Variants in RPS6KA3 observed in about 807,000 individuals in gnomAD.
RPS6KA3 encodes ribosomal protein S6 kinase alpha-3.
In RPS6KA3, 4 loss-of-function variants were observed where a neutral mutation model predicts 67.2. That is an observed-to-expected ratio of 0.06 (90% CI 0.03 to 0.14). RPS6KA3 has a LOEUF of 0.14. Among genes scored for constraint, RPS6KA3 ranks in the 10% least tolerant of loss-of-function variants. The pLI is 1.00. For synonymous variants in RPS6KA3, 182 were observed against 183.7 expected (o/e 0.99, Z 0.07); for missense variants, 204 against 559.0 (o/e 0.36, Z 6.40).
chrX:20,163,644 C>T (rs2067359772), intron 18 of RPS6KA3, among the ~76,000 whole-genome samples: 1 of 110,826 alleles, frequency 9.0e-6, no homozygotes, highest in East Asian at 2.8e-4. Flanking sequence ...TGAGACCAAC[C>T]TGGGCAACAC....
chrX:20,222,422 C>A (rs1257232505), intron 2 of RPS6KA3, among the ~76,000 whole-genome samples: 3 of 111,723 alleles, frequency 2.7e-5, no homozygotes, highest in Non-Finnish European at 5.7e-5. Flanking sequence ...ACCTATGAGT[C>A]CTTTCTGGTC....
intron 2 of RPS6KA3, among the ~76,000 whole-genome samples, chrX:20,234,468 T>C (rs761317830): frequency 1.1e-3 from 120 of 111,321 alleles, no homozygotes; most frequent in African/African-American, 3.7e-3. Context: ...AGAACAAAAC[T>C]CCATCTCAAA....
Position 20,229,271 on chromosome X carries a change from A to G in RPS6KA3, c.126+5487T>C, listed in dbSNP as rs367605235. 1.4e-4 allele frequency among the ~76,000 whole-genome samples: 16 copies of G among 111,873 alleles called. 1 individual carries two copies. The highest frequency in any genetic ancestry group is 1.0e-3 in the Admixed American group (11 of 10,548). The stretch of plus-strand genomic sequence containing the variant: ...CTAGTCGAAAGTGGCTTATCATTAC[A>G]TTCTGCATTGTAGCCCATGGAAAAG... On this transcript the variant is annotated intron_variant, in intron 2 of 21. Coordinates refer to ENST00000379565, the MANE Select transcript of RPS6KA3 (RefSeq NM_004586.3).
At chrX:20,202,066 G>A (rs1196738802) in intron 4 of RPS6KA3, among the ~76,000 whole-genome samples, 4 of 98,013 alleles carry the variant, frequency 4.1e-5, no homozygotes, top group African/African-American at 1.1e-4. Flanking sequence ...TGCAACCTCC[G>A]CCCCCCGTGT....
At chrX:20,200,537 T>C (rs1163672545) in intron 4 of RPS6KA3, among the ~76,000 whole-genome samples, 1 of 112,360 alleles carries the variant, frequency 8.9e-6, no homozygotes, top group Non-Finnish European at 1.9e-5. Flanking sequence ...ATCTCTTTTA[T>C]AGCTAATATC....
intron 1 of RPS6KA3, among the ~76,000 whole-genome samples, chrX:20,264,306 A>C (rs1018064399): frequency 8.0e-5 from 9 of 112,424 alleles, no homozygotes; most frequent in Non-Finnish European, 1.7e-4. Flanking sequence ...ACATGATAGT[A>C]ACTGAAATAA....
At chrX:20,243,660 AT>A (rs1430987267) in intron 1 of RPS6KA3, among the ~76,000 whole-genome samples, 192 of 98,726 alleles carry the variant, frequency 1.9e-3, no homozygotes, top group South Asian at 2.7e-3. Context: ...TAATTTTTGT[AT>A]TTTTTTTTTT....
chrX:20,211,910 C>A (rs1247591753), intron 2 of RPS6KA3, among the ~76,000 whole-genome samples: 1 of 111,797 alleles, frequency 8.9e-6, no homozygotes, highest in African/African-American at 3.3e-5. Flanking sequence ...TTACATTTTT[C>A]TTTTTTAGGT....
At chrX:20,223,644 C>G (rs1030132430) in intron 2 of RPS6KA3, among the ~76,000 whole-genome samples, 3 of 111,799 alleles carry the variant, frequency 2.7e-5, no homozygotes, top group African/African-American at 9.7e-5. Context: ...GTGCTCATCA[C>G]CTAAGTTTAA....
intron 2 of RPS6KA3, among the ~76,000 whole-genome samples, chrX:20,216,224 G>A: frequency 9.1e-6 from 1 of 110,133 alleles, no homozygotes; most frequent in Non-Finnish European, 1.9e-5. Context: ...TCTGACTGTG[G>A]GCAAAATTTT....
At chrX:20,230,236 G>A (rs2069225630) in intron 2 of RPS6KA3, among the ~76,000 whole-genome samples, 1 of 112,221 alleles carries the variant, frequency 8.9e-6, no homozygotes, top group Admixed American at 9.4e-5. Context: ...GAATAAGTCA[G>A]ACTTGGTCAC....
intron 2 of RPS6KA3, among the ~76,000 whole-genome samples, chrX:20,221,729 T>C (rs1392146478): frequency 8.9e-6 from 1 of 112,551 alleles, no homozygotes; most frequent in East Asian, 2.8e-4. Flanking sequence ...TAAGAACTGT[T>C]GAAAATTCTA....
chrX:20,165,139 G>T, intron 17 of RPS6KA3, 79 bp from the exon 18 acceptor site: 1 of 762,886 alleles, frequency 1.3e-6, no homozygotes, highest in Non-Finnish European at 2.0e-6. Flanking sequence ...AAACTGTCAA[G>T]CAATGCACTT....
At chrX:20,238,537 G>A (rs1010464359) in intron 1 of RPS6KA3, among the ~76,000 whole-genome samples, 24 of 110,390 alleles carry the variant, frequency 2.2e-4, no homozygotes, top group Non-Finnish European at 4.4e-4. Flanking sequence ...TCAGCTTCAC[G>A]TCATCTCAAA....
chrX:20,242,953 T>C lies in RPS6KA3; in HGVS notation c.70-8139A>G, dbSNP rs367825721. On this transcript the variant is annotated intron_variant, in intron 1 of 21. Transcript: ENST00000379565. ...TCTCCAGTCTGGTATGTGTTTGAAA[T>C]GTTTGATAATCATAACTTTAATAAT... Among the ~76,000 whole-genome samples the C allele has an allele frequency of 3.6e-5, 4 of 111,325 alleles. No individual in the cohort carries two copies. In the East Asian group the frequency reaches 1.1e-3, roughly 31 times the overall value.
At chrX:20,260,248 G>A (rs1487705201) in intron 1 of RPS6KA3, among the ~76,000 whole-genome samples, 2 of 111,579 alleles carry the variant, frequency 1.8e-5, no homozygotes, top group African/African-American at 6.5e-5. Context: ...TTATCTTCAA[G>A]AGGTAGACAT....
rs750927757 is a variant in RPS6KA3 at position 20,153,219 on chromosome X, A to C, written c.*2179T>G. The C allele has an allele frequency of 8.9e-6, 1 of 112,228 alleles. No homozygotes were observed. Among genetic ancestry groups the C allele is most frequent in the South Asian group, 3.7e-4 (1 of 2,695 alleles). The allele number at this position is 112,228 out of a possible 1,213,427, so 9.2% of individuals were successfully genotyped here. A position where few individuals can be genotyped will look rare whatever the true frequency, so the allele number is the denominator to read the frequency against. The stretch of plus-strand genomic sequence containing the variant: ...AGATGACCAAAGTTTGAAACACTGA[A>C]TAGAGGAGGGAAAAAAGCTCTCTTT... On this transcript the variant is annotated 3_prime_UTR_variant, in exon 22 of 22. Transcript: ENST00000379565.
intron 9 of RPS6KA3, among the ~76,000 whole-genome samples, 192 bp from the exon 10 acceptor site, chrX:20,186,558 C>T (rs2067987161): frequency 9.2e-6 from 1 of 109,247 alleles, no homozygotes; most frequent in Admixed American, 9.7e-5. Flanking sequence ...CTGAGCTATA[C>T]AGTTTTTTTT....
At chrX:20,174,351 T>C (rs770236422) in intron 14 of RPS6KA3, among the ~76,000 whole-genome samples, 6 of 105,925 alleles carry the variant, frequency 5.7e-5, no homozygotes, top group African/African-American at 1.7e-4. Context: ...TACTTTCTTT[T>C]TTTTTTTTTT....
Sources: gnomAD v4.1 joint callset for allele counts (sites outside exome capture counted in the v4.1 genomes callset) on GRCh38, gnomAD v4.1.1 for gene constraint, MANE v1.5 for transcripts, NCBI Gene and HGNC (gene_info 2026-07-23, HGNC 2026-07-21) for gene names.